The following IREB2 variants were observed in gnomAD, a reference collection of about 807,000 sequenced individuals.
IREB2 encodes the protein iron responsive element binding protein 2, also known as iron-responsive element-binding protein 2.
A neutral mutation model predicts 118.8 loss-of-function variants in IREB2; 39 were observed. The ratio of observed to expected loss-of-function variants is 0.33; its 90% CI spans 0.25 to 0.43. IREB2 has a LOEUF of 0.43. IREB2 is among the 20% of genes least tolerant of loss of function. The pLI, the probability that IREB2 is intolerant of heterozygous loss-of-function variation, is 1.00. For missense variants in IREB2, 900 were observed against 1,147.3 expected (o/e 0.78, Z 3.11); for synonymous variants, 372 against 392.2 (o/e 0.95, Z 0.61).
Position 78,495,049 on chromosome 15 carries a change from A to T in IREB2, c.2595+785A>T, listed in dbSNP as rs557988437. Among the ~76,000 whole-genome samples, 101 of 152,256 alleles carry T rather than the reference A, an allele frequency of 6.6e-4. 1 individual carries two copies. Among genetic ancestry groups the T allele is most frequent in the East Asian group, 1.9e-4 (1 of 5,184 alleles). On this transcript the variant is annotated intron_variant, in intron 20 of 21. Coordinates refer to ENST00000258886, the MANE Select transcript of IREB2 (RefSeq NM_004136.4). Reference sequence around the variant, plus strand: ...TCTCCTGAGACTGTTTCCTTGTTGCAGAGCAAATAGGCCATCTGCTGGGGG... The same window carrying T: ...TCTCCTGAGACTGTTTCCTTGTTGCTGAGCAAATAGGCCATCTGCTGGGGG...
intron 13 of IREB2, 146 bp downstream of exon 13, chr15:78,485,986 G>C: frequency 1.5e-6 from 1 of 681,596 alleles, no homozygotes; most frequent in South Asian, 2.1e-5. Flanking sequence ...TACAATTTTT[G>C]ATGCCTTATC....
At chr15:78,468,459 C>G (rs1426801687) in intron 5 of IREB2, among the ~76,000 whole-genome samples, 1 of 151,094 alleles carries the variant, frequency 6.6e-6, no homozygotes, top group Non-Finnish European at 1.5e-5. Flanking sequence ...GCTGTCCAGG[C>G]TGGTCTTGAA....
intron 5 of IREB2, among the ~76,000 whole-genome samples, chr15:78,469,417 T>A (rs542251889): frequency 2.7e-4 from 41 of 152,070 alleles, no homozygotes; most frequent in African/African-American, 9.6e-4. Flanking sequence ...AAGTAATCTT[T>A]GTTTAAAAAA....
At chr15:78,481,376 T>A (rs533735334) in intron 10 of IREB2, among the ~76,000 whole-genome samples, 2 of 151,776 alleles carry the variant, frequency 1.3e-5, no homozygotes, top group Non-Finnish European at 2.9e-5. Context: ...CTTTTTTTTT[T>A]GAGAGAATCT....
intron 3 of IREB2, 107 bp downstream of exon 3, chr15:78,463,194 T>C: frequency 1.1e-6 from 1 of 917,586 alleles, no homozygotes; most frequent in Non-Finnish European, 1.6e-6. Context: ...ATCCCAGTAC[T>C]TTGGGAGGCC....
chr15:78,465,535 GAA>G (rs1566972364), intron 4 of IREB2, 147 bp downstream of exon 4: 1 of 704,110 alleles, frequency 1.4e-6, no homozygotes, highest in Non-Finnish European at 2.2e-6. Flanking sequence ...TAAAACTGGT[GAA>G]AAGTTTATGG....
chr15:78,476,439 T>C lies in IREB2; in HGVS notation c.1195+80T>C, dbSNP rs2051472767. 4 of 996,760 alleles carry C rather than the reference T, an allele frequency of 4.0e-6. No homozygotes were observed. The African/African-American group carries it at 6.5e-5, about 16-fold the overall frequency. 61.7% of individuals were successfully genotyped at this position (996,760 alleles called of 1,614,324 possible). A position where few individuals can be genotyped will look rare whatever the true frequency, so the allele number is the denominator to read the frequency against. On this transcript the variant is annotated intron_variant, in intron 9 of 21. Transcript: ENST00000258886. ...TAATATTTTATAAATTACTACCTTA[T>C]CCATGTTATTTACTATTCACAAAAT...
At chr15:78,478,844 T>A (rs11634990) in intron 10 of IREB2, among the ~76,000 whole-genome samples, 1 of 152,144 alleles carries the variant, frequency 6.6e-6, no homozygotes, top group African/African-American at 2.4e-5. Flanking sequence ...CTGTTAGATA[T>A]GACAATATCT....
intron 18 of IREB2, among the ~76,000 whole-genome samples, chr15:78,490,980 T>A (rs1176633471): frequency 6.6e-6 from 1 of 152,008 alleles, no homozygotes; most frequent in Non-Finnish European, 1.5e-5. Context: ...AAAATGAAAT[T>A]GCAATTTTAA....
chr15:78,485,435 T>A (rs1408823430), intron 12 of IREB2, among the ~76,000 whole-genome samples: 2 of 152,198 alleles, frequency 1.3e-5, no homozygotes, highest in Non-Finnish European at 2.9e-5. Context: ...AATGGTTTTG[T>A]TAACATGTAC....
intron 2 of IREB2, among the ~76,000 whole-genome samples, chr15:78,452,984 C>G (rs1242304051): frequency 6.6e-6 from 1 of 152,212 alleles, no homozygotes; most frequent in African/African-American, 2.4e-5. Context: ...CACCTGCACA[C>G]ACAGGTGTTG....
At chr15:78,446,171 C>G (rs2050925754) in intron 2 of IREB2, among the ~76,000 whole-genome samples, 1 of 152,140 alleles carries the variant, frequency 6.6e-6, no homozygotes, top group Non-Finnish European at 1.5e-5. Flanking sequence ...CAAATCTGTT[C>G]ATCTTGTCTT....
chr15:78,445,471 C>G (rs1193738410), intron 2 of IREB2, among the ~76,000 whole-genome samples: 2 of 152,160 alleles, frequency 1.3e-5, no homozygotes, highest in African/African-American at 4.8e-5. Flanking sequence ...CTAAAAAGAA[C>G]AAAAACTCAC....
At chr15:78,442,916 A>G (rs1012502613) in intron 2 of IREB2, among the ~76,000 whole-genome samples, 1 of 152,206 alleles carries the variant, frequency 6.6e-6, no homozygotes, top group East Asian at 1.9e-4. Context: ...TATAACCATG[A>G]TAAAAGCCCT....
In IREB2 at chr15:78,499,489, TAAAG is replaced by T. The variant is rs2051901867; in HGVS notation, c.*1349_*1352del. The T allele has an allele frequency of 6.6e-6, 1 of 152,198 alleles. No homozygotes were observed. Among genetic ancestry groups the T allele is most frequent in the Non-Finnish European group, 1.5e-5 (1 of 68,018 alleles). 9.4% of individuals were successfully genotyped at this position (152,198 alleles called of 1,614,324 possible). A position where few individuals can be genotyped will look rare whatever the true frequency, so the allele number is the denominator to read the frequency against. ...CAATTCAGAATTAGTTCACATTGCATAAAGAATTACTTGTTGTAAGCAAAATGCT... is the reference window on the plus strand; with the variant it reads ...CAATTCAGAATTAGTTCACATTGCATAATTACTTGTTGTAAGCAAAATGCT... On this transcript the variant is annotated 3_prime_UTR_variant, in exon 22 of 22. Coordinates refer to ENST00000258886, the MANE Select transcript of IREB2 (RefSeq NM_004136.4).
intron 2 of IREB2, among the ~76,000 whole-genome samples, chr15:78,443,865 C>T (rs2050884717): frequency 1.3e-5 from 2 of 152,136 alleles, no homozygotes; most frequent in African/African-American, 4.8e-5. Flanking sequence ...AGGCTGGTCT[C>T]AAACTCCTGA....
intron 8 of IREB2, chr15:78,474,384 A>G (rs1257764751): frequency 1.3e-5 from 2 of 152,232 alleles, no homozygotes; most frequent in Non-Finnish European, 2.9e-5. Context: ...TCTTAGAGAA[A>G]TTATTGATTC....
chr15:78,449,227 G>C (rs1213280388), intron 2 of IREB2, among the ~76,000 whole-genome samples: 1 of 151,994 alleles, frequency 6.6e-6, no homozygotes, highest in East Asian at 1.9e-4. Context: ...ATTTTTTTAA[G>C]TATTTGTTGA....
At chr15:78,494,120 T>C (rs1566998828) in intron 19 of IREB2, 22 bp from the exon 20 acceptor site, 1 of 1,612,774 alleles carries the variant, frequency 6.2e-7, no homozygotes, top group East Asian at 2.2e-5. Context: ...TTAAAAAATT[T>C]TGTGTTTGTT....
Sources: gnomAD v4.1 joint callset for allele counts (sites outside exome capture counted in the v4.1 genomes callset) on GRCh38, gnomAD v4.1.1 for gene constraint, MANE v1.5 for transcripts, NCBI Gene and HGNC (gene_info 2026-07-23, HGNC 2026-07-21) for gene names.